The following TMEM63B variants were observed in gnomAD, a reference collection of about 807,000 sequenced individuals.
The protein encoded by TMEM63B is transmembrane protein 63B, also known as mechanosensitive cation channel TMEM63B.
TMEM63B carries 23 observed loss-of-function variants against 102.6 expected under a neutral mutation model. The observed-to-expected ratio is 0.22, with a 90% CI of 0.16 to 0.32. The LOEUF is 0.32. TMEM63B is among the 10% of genes least tolerant of loss of function. The pLI is 1.00. For missense variants in TMEM63B, 628 were observed against 1,095.9 expected, an observed-to-expected ratio of 0.57 and a Z score of 6.03; for synonymous variants, 444 against 437.0, an observed-to-expected ratio of 1.02 and a Z score of -0.20.
intron 18 of TMEM63B, 131 bp from the exon 19 acceptor site, chr6:44,151,715 G>A (rs1317985521): frequency 4.6e-6 from 5 of 1,081,568 alleles, no homozygotes; most frequent in South Asian, 1.5e-5. Context: ...TGCTTGGGGC[G>A]CTAAGCTGGG....
At chr6:44,140,669 C>T (rs1562124342) in intron 9 of TMEM63B, among the ~76,000 whole-genome samples, 2 of 152,246 alleles carry the variant, frequency 1.3e-5, no homozygotes, top group Non-Finnish European at 2.9e-5. Flanking sequence ...CTTCTACATG[C>T]ACTCACCAAG....
intron 21 of TMEM63B, 30 bp downstream of exon 21, chr6:44,153,873 G>A (rs376849455): frequency 2.3e-5 from 37 of 1,602,702 alleles, no homozygotes; most frequent in South Asian, 3.4e-5. Context: ...GGAACGGGGG[G>A]TGGCGAGCAG....
At position 44,152,124 on chromosome 6, in the gene TMEM63B, A is replaced by C; in HGVS notation, c.1836+116A>C. 1 of 1,295,602 alleles carries C rather than the reference A, an allele frequency of 7.7e-7. No individual in the cohort carries two copies. The highest frequency in any genetic ancestry group is 1.0e-6 in the Non-Finnish European group (1 of 969,616). The allele number at this position is 1,295,602 out of a possible 1,614,324, so 80.3% of individuals were successfully genotyped here. A position where few individuals can be genotyped will look rare whatever the true frequency, so the allele number is the denominator to read the frequency against. On this transcript the variant is annotated intron_variant, in intron 19 of 23. Coordinates refer to ENST00000323267, the MANE Select transcript of TMEM63B (RefSeq NM_018426.3). This position sits in a 1 kb window ranked among gnomAD's most constrained non-coding sequence, Gnocchi z 6.4. ...AGGAGGGCTGAGACTTGGGGAGTAC[A>C]GTTGACTCACGGTGGATCCGGGCCA...
Position 44,141,097 on chromosome 6 carries a change from G to C in TMEM63B, c.781G>C (p.Glu261Gln). The C allele has an allele frequency of 6.2e-7, 1 of 1,613,910 alleles. No individual in the cohort carries two copies. The highest frequency in any genetic ancestry group is 8.5e-7 in the Non-Finnish European group (1 of 1,179,960). Residue 261 changes from glutamate to glutamine, a missense_variant and splice_region_variant, in exon 10 of 24, where the codon GAG becomes CAG. Around this residue, in one of 6 missense-constraint regions of TMEM63B, gnomAD observed 336 missense variants for 580.3 expected, o/e 0.58. Coordinates refer to ENST00000323267, the MANE Select transcript of TMEM63B (RefSeq NM_018426.3). Reference protein sequence around the residue: ...AESEKIKKHFEEAYPNCTVLE... With the variant: ...AESEKIKKHFQEAYPNCTVLE... ...GTCAGAAAAGATCAAGAAGCATTTTGAGTGAGTAAGCCACGCTTCCCCCTA... is the reference window on the plus strand; with the variant it reads ...GTCAGAAAAGATCAAGAAGCATTTTCAGTGAGTAAGCCACGCTTCCCCCTA...
At chr6:44,154,548 G>A in intron 23 of TMEM63B, 103 bp downstream of exon 23, 3 of 1,520,606 alleles carry the variant, frequency 2.0e-6, no homozygotes, top group Non-Finnish European at 2.7e-6. Flanking sequence ...AGACCCCATG[G>A]GGGCGGGAAG....
At chr6:44,136,090 G>C (rs534246155) in intron 4 of TMEM63B, among the ~76,000 whole-genome samples, 141 of 152,296 alleles carry the variant, frequency 9.3e-4, no homozygotes, top group South Asian at 5.6e-3. Flanking sequence ...TTAGGGAGAT[G>C]ATGAAGATTA....
At position 44,147,312 on chromosome 6, in the gene TMEM63B, G is replaced by A. The variant is rs1582810964; in HGVS notation, c.864-65G>A. ...GCTCCTGTCCTTGGGGAGTGAGCTA[G>A]ATGACCCCCAAGCTGAGCCAGCCCC... On this transcript the variant is annotated intron_variant, in intron 11 of 23. Coordinates refer to ENST00000323267, the MANE Select transcript of TMEM63B (RefSeq NM_018426.3). 3 of 1,612,666 alleles carry A rather than the reference G, an allele frequency of 1.9e-6. No homozygotes were observed. In the East Asian group the frequency reaches 6.7e-5, roughly 36 times the overall value.
intron 6 of TMEM63B, 132 bp downstream of exon 6, chr6:44,138,649 C>G (rs1030118856): frequency 7.5e-6 from 8 of 1,072,608 alleles, no homozygotes; most frequent in African/African-American, 3.1e-5. Context: ...CCTCCCTGCT[C>G]TCAAAGGCCA....
In TMEM63B at chr6:44,154,843, C is replaced by A; in HGVS notation, c.2459C>A (p.Ser820Tyr). The A allele has an allele frequency of 6.2e-7, 1 of 1,606,498 alleles. No homozygotes were observed. The highest frequency in any genetic ancestry group is 1.1e-5 in the South Asian group (1 of 90,284). The change falls in exon 24 of 24, where the codon TCT (serine) becomes TAT (tyrosine). Residue 820 changes from serine to tyrosine, a missense_variant. By Grantham distance (144) the Ser-to-Tyr change is moderately radical. This residue lies in a region of TMEM63B where 129 missense variants were observed against 153.5 expected (regional missense o/e 0.84). Transcript: ENST00000323267. ...PDALTDTDFQSCEDSLIENEI... is the reference protein window; with the variant it reads ...PDALTDTDFQYCEDSLIENEI... The stretch of plus-strand genomic sequence containing the variant: ...GCCCTCACGGACACAGACTTCCAGT[C>A]TTGCGAGGACAGCCTCATAGAGAAT...
At chr6:44,133,034 T>C (rs1762256725) in intron 1 of TMEM63B, among the ~76,000 whole-genome samples, 2 of 152,170 alleles carry the variant, frequency 1.3e-5, no homozygotes, top group African/African-American at 4.8e-5. Context: ...TGACACTCAA[T>C]TCAGGATCGT....
chr6:44,136,203 G>A (rs961690417), intron 4 of TMEM63B, 146 bp from the exon 5 acceptor site: 39 of 653,598 alleles, frequency 6.0e-5, no homozygotes, highest in African/African-American at 5.4e-4. Context: ...GCAGGGTAGA[G>A]GGCAGTCATT....
chr6:44,151,773 G>A (rs1766688199), intron 18 of TMEM63B, 73 bp from the exon 19 acceptor site: 1 of 1,500,072 alleles, frequency 6.7e-7, no homozygotes, highest in Non-Finnish European at 9.0e-7. Flanking sequence ...GTTGGGTGCT[G>A]TAGTTCTGGC....
At position 44,154,939 on chromosome 6, in the gene TMEM63B, G is replaced by A. The variant is rs1296849255; in HGVS notation, c.*56G>A. On this transcript the variant is annotated 3_prime_UTR_variant, in exon 24 of 24. Coordinates refer to ENST00000323267, the MANE Select transcript of TMEM63B (RefSeq NM_018426.3). Reference sequence around the variant, plus strand: ...TGCCCCACCCCACCCCCACTCCCACGGACACTAAAACGCTAATAATTTATT... The same window carrying A: ...TGCCCCACCCCACCCCCACTCCCACAGACACTAAAACGCTAATAATTTATT... 1.5e-5 allele frequency: 21 copies of A among 1,422,954 alleles called. No individual in the cohort carries two copies. The highest frequency in any genetic ancestry group is 9.0e-5 in the South Asian group (6 of 66,774). The allele number at this position is 1,422,954 out of a possible 1,614,324, so 88.1% of individuals were successfully genotyped here.
chr6:44,138,362 G>T, intron 5 of TMEM63B, 118 bp from the exon 6 acceptor site: 2 of 1,273,508 alleles, frequency 1.6e-6, no homozygotes, highest in African/African-American at 1.5e-5. Flanking sequence ...TTTTTTTTTA[G>T]TGAGGGGTGT....
chr6:44,128,643 TG>T (rs994978691), intron 1 of TMEM63B, among the ~76,000 whole-genome samples: 9 of 152,222 alleles, frequency 5.9e-5, no homozygotes, highest in Non-Finnish European at 8.8e-5. Context: ...TCCACCGCCC[TG>T]GGGGGCTGGG....
At chr6:44,144,295 A>G (rs565954900) in intron 10 of TMEM63B, among the ~76,000 whole-genome samples, 2 of 152,278 alleles carry the variant, frequency 1.3e-5, no homozygotes, top group Admixed American at 1.3e-4. Flanking sequence ...GGATTGGAAG[A>G]CTGTCTCAGC....
In TMEM63B at chr6:44,150,158, T is replaced by A. The variant is rs1766298092; in HGVS notation, c.1521-66T>A. The A allele has an allele frequency of 2.0e-6, 3 of 1,518,334 alleles. No homozygotes were observed. The Admixed American group carries it at 5.1e-5, about 26-fold the overall frequency. 94.1% of individuals were successfully genotyped at this position (1,518,334 alleles called of 1,614,324 possible). ...GGACACTCCTTGGACATTGTCCTTG[T>A]TGGGGGAGCAAGTCTGGGGCCTGGG... On this transcript the variant is annotated intron_variant, in intron 16 of 23. Transcript: ENST00000323267. This position sits in a 1 kb window ranked among gnomAD's most constrained non-coding sequence, Gnocchi z 4.7.
intron 10 of TMEM63B, among the ~76,000 whole-genome samples, chr6:44,144,175 A>G (rs1764863930): frequency 6.6e-6 from 1 of 152,232 alleles, no homozygotes; most frequent in Admixed American, 6.5e-5. Flanking sequence ...AACACCTGCT[A>G]TATACAAGCT....
chr6:44,152,143 C>T lies in TMEM63B; in HGVS notation c.1836+135C>T, dbSNP rs1217350097. ...GAGTACAGTTGACTCACGGTGGATC[C>T]GGGCCATCCCCTTCCCATATCTGGG... On this transcript the variant is annotated intron_variant, in intron 19 of 23. Transcript: ENST00000323267. The surrounding 1 kb of genome is among the most constrained non-coding windows in gnomAD (Gnocchi z 6.4). The T allele has an allele frequency of 3.2e-5, 37 of 1,140,610 alleles. No homozygotes were observed. Among genetic ancestry groups the T allele is most frequent in the South Asian group, 4.9e-5 (3 of 61,338 alleles). The allele number at this position is 1,140,610 out of a possible 1,614,324, so 70.7% of individuals were successfully genotyped here.
Sources: allele counts gnomAD v4.1 joint callset (sites outside exome capture counted in the v4.1 genomes callset), GRCh38; gene constraint gnomAD v4.1.1; regional missense constraint gnomAD v4.1.1; non-coding constraint Gnocchi (gnomAD v3.1); transcripts MANE v1.5; gene names NCBI Gene and HGNC (gene_info 2026-07-23, HGNC 2026-07-21).